SHQ1: variants seen among roughly 807,000 people sequenced by gnomAD.
SHQ1 encodes SHQ1, H/ACA ribonucleoprotein assembly factor, also known as protein SHQ1 homolog.
In SHQ1, 49 loss-of-function variants were observed where a neutral mutation model predicts 53.8. The ratio of observed to expected loss-of-function variants is 0.91; its 90% CI spans 0.72 to 1.16. The LOEUF (loss-of-function observed/expected upper bound fraction) is 1.16, where lower values mean the gene tolerates loss of function less well. Among genes scored for constraint, SHQ1 ranks in the 50% most tolerant of loss-of-function variants. SHQ1 has a pLI of 0.00. For synonymous variants in SHQ1, 243 were observed against 251.0 expected (o/e 0.97, Z 0.30); for missense variants, 738 against 683.1 (o/e 1.08, Z -0.90).
At chr3:72,752,954 T>C (rs553616825) in intron 10 of SHQ1, 13 of 984,696 alleles carry the variant, frequency 1.3e-5, no homozygotes, top group Non-Finnish European at 1.6e-5. Flanking sequence ...TGAGCCACCA[T>C]GACCAGCCGA....
downstream of SHQ1, among the ~76,000 whole-genome samples, chr3:72,745,784 T>C (rs974109128): frequency 2.0e-5 from 3 of 152,112 alleles, no homozygotes; most frequent in African/African-American, 7.2e-5. Flanking sequence ...AAAGCAGTTC[T>C]ATTTCCATTT....
At chr3:72,803,128 A>C (rs1706839708) in intron 9 of SHQ1, among the ~76,000 whole-genome samples, 1 of 152,162 alleles carries the variant, frequency 6.6e-6, no homozygotes, top group African/African-American at 2.4e-5. Context: ...AGAGACTGAA[A>C]ACTGGGGGCC....
At chr3:72,848,159 C>T in intron 1 of SHQ1, 39 bp downstream of exon 1, 1 of 1,613,008 alleles carries the variant, frequency 6.2e-7, no homozygotes, top group Non-Finnish European at 8.5e-7. Context: ...AGCTATCTAA[C>T]GAATGCGCCT....
chr3:72,745,635 T>A (rs1298561469), downstream of SHQ1, among the ~76,000 whole-genome samples: 2 of 152,110 alleles, frequency 1.3e-5, no homozygotes, highest in Admixed American at 1.3e-4. Context: ...CAGCGACCTG[T>A]TGTTAGGTAG....
At chr3:72,803,097 G>GTCCAAGAGGGTATGAGAAAGA (rs1706838778) in intron 9 of SHQ1, among the ~76,000 whole-genome samples, 2 of 152,134 alleles carry the variant, frequency 1.3e-5, no homozygotes, top group African/African-American at 4.8e-5. Context: ...AGACACGCTG[G>GTCCAAGAGGGTATGAGAAAGA]CACTTAGCTT....
At chr3:72,847,339 G>A (rs2106989585) in intron 1 of SHQ1, among the ~76,000 whole-genome samples, 1 of 152,298 alleles carries the variant, frequency 6.6e-6, no homozygotes, top group East Asian at 1.9e-4. Flanking sequence ...ACTTCAGAAA[G>A]ATTAGGAGGA....
intron 4 of SHQ1, among the ~76,000 whole-genome samples, chr3:72,833,949 A>G (rs541184032): frequency 6.6e-6 from 1 of 152,374 alleles, no homozygotes; most frequent in Non-Finnish European, 1.5e-5. Flanking sequence ...AATAACTTAG[A>G]GAGTTGAGAA....
chr3:72,831,941 A>G (rs1707835984), intron 5 of SHQ1, among the ~76,000 whole-genome samples: 1 of 152,220 alleles, frequency 6.6e-6, no homozygotes, highest in African/African-American at 2.4e-5. Context: ...TAGTGGATGA[A>G]AGTTATTAGG....
chr3:72,785,713 A>G (rs777642706), intron 10 of SHQ1, among the ~76,000 whole-genome samples: 3 of 152,226 alleles, frequency 2.0e-5, no homozygotes, highest in Admixed American at 6.5e-5. Flanking sequence ...TGTTGCATAC[A>G]TGTTCTCCTT....
chr3:72,786,726 C>T (rs969594594), intron 10 of SHQ1, among the ~76,000 whole-genome samples: 1 of 152,188 alleles, frequency 6.6e-6, no homozygotes, highest in South Asian at 2.1e-4. Context: ...AACTTCACAA[C>T]GACGTGTCTC....
At position 72,750,852 on chromosome 3, in the gene SHQ1, A is replaced by G. The variant is rs1430740992; in HGVS notation, c.1182-16T>C. ...CTTTTTGGATCTTGAAAACATTTTA[A>G]AAAGAAAGATTAGAATTATTTATTA... is the stretch of plus-strand genomic sequence containing the variant. On this transcript the variant is annotated splice_polypyrimidine_tract_variant and intron_variant, in intron 10 of 10. Transcript: ENST00000325599. 1 of 1,491,580 alleles carries G rather than the reference A, an allele frequency of 6.7e-7. No individual in the cohort carries two copies. Among genetic ancestry groups the G allele is most frequent in the South Asian group, 1.3e-5 (1 of 75,254 alleles). The allele number at this position is 1,491,580 out of a possible 1,614,324, so 92.4% of individuals were successfully genotyped here. A position where few individuals can be genotyped will look rare whatever the true frequency, so the allele number is the denominator to read the frequency against.
chr3:72,824,974 ATT>A (rs1707605084), intron 5 of SHQ1, among the ~76,000 whole-genome samples: 2 of 151,520 alleles, frequency 1.3e-5, no homozygotes, highest in African/African-American at 4.9e-5. Flanking sequence ...GCTAATTTCT[ATT>A]TTTTCATAGA....
the SHQ1 span, among the ~76,000 whole-genome samples, chr3:72,735,097 CTT>C: frequency 1.3e-5 from 2 of 151,700 alleles, no homozygotes; most frequent in African/African-American, 4.9e-5. Flanking sequence ...TACTACGGTG[CTT>C]TGTTTTTCTT....
rs746882596 is a variant in SHQ1 at position 72,750,531 on chromosome 3, A to G, written c.1487T>C (p.Leu496Pro). The G allele has an allele frequency of 6.3e-5, 101 of 1,614,106 alleles. No individual in the cohort carries two copies. The Admixed American group carries it at 1.6e-3, about 26-fold the overall frequency. The part of the protein sequence containing the change: ...ETVSSLQGPF[L>P]EESSAFLIVD... ...AATAAGAAAGGCACTGCTTTCTTCA[A>G]GAAAGGGACCTTGCAAAGAACTGAC... The change falls in exon 11 of 11, where the codon CTT (leucine) becomes CCT (proline). Residue 496 changes from leucine to proline, a missense_variant. Coordinates refer to ENST00000325599, the MANE Select transcript of SHQ1 (RefSeq NM_018130.3).
intron 9 of SHQ1, among the ~76,000 whole-genome samples, chr3:72,810,528 A>T (rs909406610): frequency 6.6e-6 from 1 of 152,210 alleles, no homozygotes; most frequent in African/African-American, 2.4e-5. Flanking sequence ...CTTTGGAGCC[A>T]GGGTTATTCA....
rs764990247 is a variant in SHQ1 at position 72,793,016 on chromosome 3, A to C, written c.1081T>G (p.Cys361Gly). Residue 361 changes from cysteine to glycine, a missense_variant, in exon 10 of 11, where the codon TGT becomes GGT. Coordinates refer to ENST00000325599, the MANE Select transcript of SHQ1 (RefSeq NM_018130.3). ...LQLGKSAVLK[C>G]LLDIHKIFQE... ...AAAATTTTGTGAATATCCAGGAGAC[A>C]CTTTAAAACTGCACTTTTACCTAAA... 25 of 1,607,076 alleles carry C rather than the reference A, an allele frequency of 1.6e-5. No homozygotes were observed. The highest frequency in any genetic ancestry group is 2.0e-5 in the Non-Finnish European group (23 of 1,176,804).
chr3:72,798,242 A>G (rs1377867099), intron 9 of SHQ1, among the ~76,000 whole-genome samples: 9 of 152,218 alleles, frequency 5.9e-5, no homozygotes, highest in African/African-American at 2.2e-4. Flanking sequence ...TATTTGCACC[A>G]CAAAATGGCA....
chr3:72,827,243 C>CT (rs1318558716), intron 5 of SHQ1, among the ~76,000 whole-genome samples: 1 of 151,906 alleles, frequency 6.6e-6, no homozygotes, highest in Non-Finnish European at 1.5e-5. Flanking sequence ...TATGACATGC[C>CT]TTTTTTTAGG....
rs184370276 is a variant in SHQ1 at position 72,787,074 on chromosome 3, T to C, written c.1181+5842A>G. ...AACTTCAGTGCTGAAATGACTTAGG[T>C]TTACTTACAACTGAGGAAATTAAGG... On this transcript the variant is annotated intron_variant, in intron 10 of 10. Coordinates refer to ENST00000325599, the MANE Select transcript of SHQ1 (RefSeq NM_018130.3). 6.3e-3 allele frequency among the ~76,000 whole-genome samples: 954 copies of C among 152,314 alleles called. 5 individuals carry two copies. Among genetic ancestry groups the C allele is most frequent in the Non-Finnish European group, 8.6e-3 (585 of 68,024 alleles).
Sources: gnomAD v4.1 joint callset for allele counts (sites outside exome capture counted in the v4.1 genomes callset) on GRCh38, gnomAD v4.1.1 for gene constraint, MANE v1.5 for transcripts, NCBI Gene and HGNC (gene_info 2026-07-23, HGNC 2026-07-21) for gene names.